Variants in ERBB4 observed in about 807,000 individuals in gnomAD.
The protein encoded by ERBB4 is erb-b2 receptor tyrosine kinase 4.
In ERBB4, 42 loss-of-function variants were observed where a neutral mutation model predicts 158.0. That is an observed-to-expected ratio of 0.27 (90% CI 0.21 to 0.34). The LOEUF is 0.34. Ranked by LOEUF, ERBB4 falls within the 10% of genes least tolerant of loss-of-function variation. The pLI is 1.00. For missense variants in ERBB4, 1,333 were observed against 1,624.1 expected (o/e 0.82, Z 3.08); for synonymous variants, 583 against 558.7 (o/e 1.04, Z -0.61).
At chr2:211,615,075 A>G (rs1349802411) in intron 19 of ERBB4, among the ~76,000 whole-genome samples, 1 of 152,108 alleles carries the variant, frequency 6.6e-6, no homozygotes, top group Non-Finnish European at 1.5e-5. Context: ...CAAAGCCATG[A>G]CTGTTGAGTA....
chr2:211,795,426 C>T (rs889728972), intron 3 of ERBB4, among the ~76,000 whole-genome samples: 1 of 151,712 alleles, frequency 6.6e-6, no homozygotes, highest in African/African-American at 2.4e-5. Context: ...GTGGTTACTT[C>T]TTGGTATGAG....
At position 211,589,186 on chromosome 2, in the gene ERBB4, A is replaced by G. The variant is rs1468466209; in HGVS notation, c.2302-27098T>C. Among the ~76,000 whole-genome samples, 4 of 152,306 alleles carry G rather than the reference A, an allele frequency of 2.6e-5. No individual in the cohort carries two copies. In the East Asian group the frequency reaches 7.7e-4, roughly 29 times the overall value. ...TTTCCAGTTTGTCCAATCTTAACAT[A>G]ATATGAACAAAATGTTCATTTTTTT... is the stretch of plus-strand genomic sequence containing the variant. On this transcript the variant is annotated intron_variant, in intron 19 of 27. Transcript: ENST00000342788.
At chr2:212,066,930 C>T (rs1186641710) in intron 2 of ERBB4, among the ~76,000 whole-genome samples, 1 of 151,784 alleles carries the variant, frequency 6.6e-6, no homozygotes, top group African/African-American at 2.4e-5. Context: ...AAACTGCTAA[C>T]CAATATCAAA....
intron 25 of ERBB4, among the ~76,000 whole-genome samples, chr2:211,391,953 T>C (rs1243802046): frequency 6.6e-6 from 1 of 152,210 alleles, no homozygotes. Context: ...AATCTTTAAA[T>C]AATTATTACT....
At chr2:211,415,180 G>A (rs1255285818) in intron 25 of ERBB4, among the ~76,000 whole-genome samples, 1 of 134,676 alleles carries the variant, frequency 7.4e-6, no homozygotes, top group Admixed American at 8.4e-5. Flanking sequence ...GCAGTGGCGC[G>A]ACCTCGGCTC....
At chr2:212,194,236 A>G (rs1331039601) in intron 1 of ERBB4, among the ~76,000 whole-genome samples, 1 of 151,782 alleles carries the variant, frequency 6.6e-6, no homozygotes, top group East Asian at 1.9e-4. Flanking sequence ...AAAGGGAGAG[A>G]AATTTTTAGA....
chr2:211,734,997 G>A (rs1046425930), intron 5 of ERBB4, among the ~76,000 whole-genome samples: 42 of 148,962 alleles, frequency 2.8e-4, no homozygotes, highest in African/African-American at 9.7e-4. Flanking sequence ...TGAAACAAAA[G>A]TGATAGACGA....
intron 20 of ERBB4, among the ~76,000 whole-genome samples, chr2:211,513,137 AAAAAAAG>A (rs1043844960): frequency 5.3e-5 from 8 of 151,992 alleles, no homozygotes; most frequent in African/African-American, 1.7e-4. Flanking sequence ...CCTGTTTAAA[AAAAAAAG>A]AAAAAAGGAA....
intron 19 of ERBB4, among the ~76,000 whole-genome samples, chr2:211,564,568 C>G (rs553245747): frequency 6.6e-6 from 1 of 152,148 alleles, no homozygotes; most frequent in Admixed American, 6.5e-5. Context: ...GAATTTTACA[C>G]CTAGCAGCAT....
At chr2:211,452,172 T>G (rs1410468963) in intron 20 of ERBB4, among the ~76,000 whole-genome samples, 1 of 143,120 alleles carries the variant, frequency 7.0e-6, no homozygotes, top group Non-Finnish European at 1.5e-5. Context: ...ACATTTGTAA[T>G]AAAAATAAAC....
At chr2:211,606,375 T>C (rs1197264187) in intron 19 of ERBB4, among the ~76,000 whole-genome samples, 2 of 152,016 alleles carry the variant, frequency 1.3e-5, no homozygotes, top group African/African-American at 4.8e-5. Flanking sequence ...GTAGATATTA[T>C]AAGAGAAAAT....
chr2:211,846,702 A>G (rs894343456), intron 3 of ERBB4, among the ~76,000 whole-genome samples: 2 of 152,068 alleles, frequency 1.3e-5, no homozygotes, highest in African/African-American at 4.8e-5. Flanking sequence ...CACCTCCTCA[A>G]TTGAGTAAAA....
intron 1 of ERBB4, among the ~76,000 whole-genome samples, chr2:212,241,609 T>C (rs1221399249): frequency 6.6e-6 from 1 of 152,226 alleles, no homozygotes; most frequent in Non-Finnish European, 1.5e-5. Flanking sequence ...TTTCCCATCA[T>C]TGGCTTTGGT....
At chr2:212,284,326 C>T (rs1488066917) in intron 1 of ERBB4, among the ~76,000 whole-genome samples, 1 of 152,064 alleles carries the variant, frequency 6.6e-6, no homozygotes, top group South Asian at 2.1e-4. Flanking sequence ...CCTCTGAACT[C>T]TGTCTAATTA....
chr2:212,397,224 C>G (rs993166160), intron 1 of ERBB4, among the ~76,000 whole-genome samples: 2 of 152,230 alleles, frequency 1.3e-5, no homozygotes, highest in East Asian at 3.9e-4. Flanking sequence ...CCTGTAATCT[C>G]AGCACTTTGA....
chr2:211,468,942 G>A (rs1574549757), intron 20 of ERBB4, among the ~76,000 whole-genome samples: 2 of 145,304 alleles, frequency 1.4e-5, no homozygotes, highest in South Asian at 2.2e-4. Flanking sequence ...AACCCTTAAA[G>A]GCAGAGAGTC....
chr2:212,393,804 T>C (rs2090947721), intron 1 of ERBB4, among the ~76,000 whole-genome samples: 1 of 152,106 alleles, frequency 6.6e-6, no homozygotes, highest in Non-Finnish European at 1.5e-5. Context: ...TGTCTACATT[T>C]CCTAGCTTCC....
In ERBB4 at chr2:211,878,099, C is replaced by T. The variant is rs1387786539; in HGVS notation, c.421+69331G>A. Among the ~76,000 whole-genome samples, 7 of 152,138 alleles carry T rather than the reference C, an allele frequency of 4.6e-5. No homozygotes were observed. The South Asian group carries it at 6.2e-4, about 13-fold the overall frequency. The stretch of plus-strand genomic sequence containing the variant: ...CTCCGGCCTGAGGAACAGAGCGAGA[C>T]GCCATCTCAAAACAAACAAACAAAC... On this transcript the variant is annotated intron_variant, in intron 3 of 27. Transcript: ENST00000342788.
chr2:212,249,530 C>T (rs981778578), intron 1 of ERBB4, among the ~76,000 whole-genome samples: 3 of 150,676 alleles, frequency 2.0e-5, no homozygotes, highest in Non-Finnish European at 3.0e-5. Context: ...AGTGGGAGAA[C>T]AGTAAGGCAA....
Sources: gnomAD v4.1 joint callset for allele counts (sites outside exome capture counted in the v4.1 genomes callset) on GRCh38, gnomAD v4.1.1 for gene constraint, MANE v1.5 for transcripts, NCBI Gene and HGNC (gene_info 2026-07-23, HGNC 2026-07-21) for gene names.